The following PTPN13 variants were observed in gnomAD, a reference collection of about 807,000 sequenced individuals.
PTPN13 encodes the protein tyrosine-protein phosphatase non-receptor type 13.
PTPN13 carries 191 observed loss-of-function variants against 284.0 expected under a neutral mutation model. The observed-to-expected ratio is 0.67, with a 90% CI of 0.60 to 0.76. The LOEUF (loss-of-function observed/expected upper bound fraction) is 0.76, where lower values mean the gene tolerates loss of function less well. PTPN13 is among the 30% of genes least tolerant of loss of function. The probability of loss-of-function intolerance (pLI) is 0.00; values close to 1 mark genes in which losing one functional copy is unlikely to be tolerated. For synonymous variants in PTPN13, 986 were observed against 1,022.3 expected (o/e 0.96, Z 0.68); for missense variants, 2,797 against 2,939.9 (o/e 0.95, Z 1.12).
chr4:86,789,100 G>A (rs958805554), intron 40 of PTPN13, among the ~76,000 whole-genome samples: 1 of 152,196 alleles, frequency 6.6e-6, no homozygotes, highest in African/African-American at 2.4e-5. Flanking sequence ...AAGTCATTGC[G>A]AGTAGGGTAT....
At chr4:86,769,711 C>A in intron 28 of PTPN13, 58 bp from the exon 29 acceptor site, 1 of 1,116,416 alleles carries the variant, frequency 9.0e-7, no homozygotes, top group Non-Finnish European at 1.3e-6. Flanking sequence ...TTTGTATGTT[C>A]CTATGTAAAC....
rs1483234313 is a variant in PTPN13, at chr4:86,701,273, C to T, written c.667C>T (p.Gln223Ter). 4 of 1,597,178 alleles carry T rather than the reference C, an allele frequency of 2.5e-6. No homozygotes were observed. The highest frequency in any genetic ancestry group is 3.4e-6 in the Non-Finnish European group (4 of 1,173,206). Residue 223 changes from glutamine to a stop codon, truncating the protein, a stop_gained, in exon 7 of 48, where the codon CAA becomes TAA. Coordinates refer to ENST00000411767, the MANE Select transcript of PTPN13 (RefSeq NM_080683.3). LOFTEE classifies it high-confidence loss of function. ...CTCTACTTCTGATGTACTAGACATA[C>T]AAAAGCCTCCACTCTCTCATCAGAC... ...RSSTSDVLDI[Q>*]KPPLSHQTFL...
intron 9 of PTPN13, among the ~76,000 whole-genome samples, chr4:86,720,510 T>C (rs1481283546): frequency 1.3e-5 from 2 of 152,202 alleles, no homozygotes; most frequent in Non-Finnish European, 2.9e-5. Context: ...GTTGTATGTA[T>C]GTATTATCTA....
chr4:86,642,788 C>A (rs1009346577), intron 2 of PTPN13, among the ~76,000 whole-genome samples: 1 of 151,940 alleles, frequency 6.6e-6, no homozygotes, highest in Non-Finnish European at 1.5e-5. Context: ...AGAATCCTAG[C>A]TTATGTCAGA....
Position 86,758,242 on chromosome 4 carries a change from A to G in PTPN13, c.3224-18A>G. 6.5e-7 allele frequency: 1 copy of G among 1,539,306 alleles called. No homozygotes were observed. Among genetic ancestry groups the G allele is most frequent in the South Asian group, 1.2e-5 (1 of 84,806 alleles). ...CTGAGCATGTTATATTTATTTTTAA[A>G]TTATAAATTCCCAATAGATGTGCTA... is the stretch of plus-strand genomic sequence containing the variant. On this transcript the variant is annotated intron_variant, in intron 20 of 47. Transcript: ENST00000411767.
chr4:86,724,471 A>T (rs1034189789), intron 10 of PTPN13, among the ~76,000 whole-genome samples: 15 of 152,232 alleles, frequency 9.9e-5, no homozygotes, highest in African/African-American at 3.4e-4. Context: ...GTGATATGTC[A>T]TCTCGCTAAA....
In PTPN13 at chr4:86,677,579, C is replaced by T. The variant is rs187306574; in HGVS notation, c.294+5036C>T. 8.8e-4 allele frequency among the ~76,000 whole-genome samples: 132 copies of T among 150,664 alleles called. 2 individuals are homozygous for T. The highest frequency in any genetic ancestry group is 4.4e-3 in the South Asian group (21 of 4,792). On this transcript the variant is annotated intron_variant, in intron 3 of 47. Transcript: ENST00000411767. ...CCATCTGCCTCGGCCTCCCACAGTG[C>T]TGGGATTACAGGCATGAGCCACTGT...
At chr4:86,722,553 A>G in intron 10 of PTPN13, 119 bp downstream of exon 10, 1 of 713,178 alleles carries the variant, frequency 1.4e-6, no homozygotes, top group Non-Finnish European at 2.4e-6. Context: ...ATGAAACTGA[A>G]ATCCCATATT....
intron 16 of PTPN13, among the ~76,000 whole-genome samples, chr4:86,743,322 A>T (rs778402249): frequency 6.6e-6 from 1 of 152,014 alleles, no homozygotes; most frequent in Non-Finnish European, 1.5e-5. Context: ...TGGGTGTTTT[A>T]TTATAGGTAG....
At chr4:86,791,220 C>A (rs796264793) in intron 40 of PTPN13, among the ~76,000 whole-genome samples, 1 of 152,204 alleles carries the variant, frequency 6.6e-6, no homozygotes. Context: ...GGGTCCCAAG[C>A]CCACGGAGCC....
chr4:86,777,320 C>G (rs1740770290), intron 35 of PTPN13, among the ~76,000 whole-genome samples: 1 of 152,052 alleles, frequency 6.6e-6, no homozygotes, highest in Non-Finnish European at 1.5e-5. Flanking sequence ...GTTTATGGCT[C>G]ACTTCCATCT....
intron 33 of PTPN13, 24 bp downstream of exon 33, chr4:86,774,555 T>C (rs1168704803): frequency 1.9e-6 from 3 of 1,567,996 alleles, no homozygotes; most frequent in East Asian, 4.6e-5. Flanking sequence ...GAGGAATGGA[T>C]TATTTGTGTA....
At chr4:86,681,596 G>A (rs910761276) in intron 3 of PTPN13, among the ~76,000 whole-genome samples, 5 of 152,140 alleles carry the variant, frequency 3.3e-5, no homozygotes, top group Non-Finnish European at 1.5e-5. Flanking sequence ...GTGATCTTGG[G>A]CAAGTTACCT....
rs1273352380 is a variant in PTPN13, at chr4:86,763,168, A to G, written c.3995A>G (p.Gln1332Arg). ...DMDEATYSSS[Q>R]DHQTPKQESS... ...GATGAAGCCACTTACTCCAGCAGTC[A>G]GGATCATCAAACACCAAAACAGGCA... Residue 1332 changes from glutamine (Q) to arginine (R), a missense_variant, in exon 24 of 48, where the codon CAG becomes CGG. By Grantham distance (43) the Gln-to-Arg change is conservative. Transcript: ENST00000411767. 1.9e-6 allele frequency: 3 copies of G among 1,611,166 alleles called. No individual in the cohort carries two copies. The East Asian group carries it at 6.7e-5, about 36-fold the overall frequency.
At chr4:86,676,034 A>G (rs576011075) in intron 3 of PTPN13, among the ~76,000 whole-genome samples, 1 of 152,332 alleles carries the variant, frequency 6.6e-6, no homozygotes, top group East Asian at 1.9e-4. Context: ...AGACAATAAT[A>G]GTAAATCTAT....
intron 5 of PTPN13, 44 bp downstream of exon 5, chr4:86,689,234 T>G (rs1729767150): frequency 6.5e-7 from 1 of 1,531,170 alleles, no homozygotes. Context: ...ATTTTAAAAT[T>G]TAGTAGATAT....
intron 40 of PTPN13, among the ~76,000 whole-genome samples, chr4:86,796,446 G>A (rs1228706310): frequency 6.6e-6 from 1 of 151,870 alleles, no homozygotes; most frequent in Non-Finnish European, 1.5e-5. Context: ...ACCAGCCTGG[G>A]CAACATAGTG....
chr4:86,802,820 C>G (rs1305780437), intron 42 of PTPN13, among the ~76,000 whole-genome samples: 1 of 152,082 alleles, frequency 6.6e-6, no homozygotes, highest in African/African-American at 2.4e-5. Flanking sequence ...GCCTGGAATC[C>G]CAACACTTTG....
In PTPN13 at chr4:86,734,449, C is replaced by A; in HGVS notation, c.2005C>A (p.Leu669Ile). 6.4e-7 allele frequency: 1 copy of A among 1,552,486 alleles called. No individual in the cohort carries two copies. Among genetic ancestry groups the A allele is most frequent in the Non-Finnish European group, 8.7e-7 (1 of 1,147,306 alleles). The change falls in exon 13 of 48, where the codon CTA (leucine) becomes ATA (isoleucine). Residue 669 changes from leucine (L) to isoleucine (I), a missense_variant. Leu to Ile is a conservative substitution (Grantham distance 5). Transcript: ENST00000411767. The stretch of plus-strand genomic sequence containing the variant: ...TAAATTTTTTATGGATGATGTTAGT[C>A]TAATACAGTGAGTACACAAGAGTTT... ...RIKFFMDDVS[L>I]IQHTLTCHQY...
Sources: allele counts gnomAD v4.1 joint callset (sites outside exome capture counted in the v4.1 genomes callset), GRCh38; gene constraint gnomAD v4.1.1; transcripts MANE v1.5; gene names NCBI Gene and HGNC (gene_info 2026-07-23, HGNC 2026-07-21).